The following PDE4B variants were observed in gnomAD, a reference collection of about 807,000 sequenced individuals.
PDE4B encodes phosphodiesterase 4B, also known as 3',5'-cyclic-AMP phosphodiesterase 4B.
Under a neutral mutation model 82.2 loss-of-function variants are expected in PDE4B, and 20 were observed. That is an observed-to-expected ratio of 0.24 (90% CI 0.17 to 0.35). PDE4B has a LOEUF of 0.35. Ranked by LOEUF, PDE4B falls within the 10% of genes least tolerant of loss-of-function variation. The pLI is 1.00. For missense variants in PDE4B, 655 were observed against 907.2 expected, an observed-to-expected ratio of 0.72 and a Z score of 3.57; for synonymous variants, 320 against 318.9, an observed-to-expected ratio of 1.00 and a Z score of -0.04.
intron 6 of PDE4B, 113 bp from the exon 7 acceptor site, chr1:66,265,925 C>T: frequency 1.3e-6 from 1 of 772,906 alleles, no homozygotes; most frequent in South Asian, 1.5e-5. Context: ...TATGTCACTA[C>T]ATAGTTCATT....
At chr1:66,316,220 G>A (rs79683539) in intron 7 of PDE4B, among the ~76,000 whole-genome samples, 1,709 of 152,216 alleles carry the variant, frequency 0.011, 38 homozygotes, top group African/African-American at 0.039. Flanking sequence ...TTTCTGCAAC[G>A]AACTTTGTAG....
intron 3 of PDE4B, chr1:66,048,962 C>G (rs1451851214): frequency 1.3e-5 from 2 of 151,932 alleles, no homozygotes; most frequent in Non-Finnish European, 2.9e-5. Flanking sequence ...TGAATTAGCT[C>G]TCCGTCTTTA....
intron 3 of PDE4B, among the ~76,000 whole-genome samples, chr1:66,178,816 G>A (rs1477945505): frequency 6.6e-6 from 1 of 152,042 alleles, no homozygotes; most frequent in Non-Finnish European, 1.5e-5. Flanking sequence ...GTCTATGAAT[G>A]TCAATCAACT....
chr1:66,120,455 CCTT>C (rs984206768), intron 3 of PDE4B, among the ~76,000 whole-genome samples: 10 of 152,100 alleles, frequency 6.6e-5, no homozygotes, highest in Non-Finnish European at 4.4e-5. Context: ...ATCTCTGACT[CCTT>C]CTTTCCATCA....
At position 66,355,620 on chromosome 1, in the gene PDE4B, G is replaced by C; in HGVS notation, c.841G>C (p.Asp281His). Residue 281 changes from aspartate (D) to histidine (H), a missense_variant and splice_region_variant, in exon 9 of 17, where the codon GAC becomes CAC. By Grantham distance (81) the Asp-to-His change is moderately conservative. Transcript: ENST00000341517. ...TGAATACATTTCAAATACTTTCTTA[G>C]GTAAGATATTAACTGGGAAAAACCT... is the stretch of plus-strand genomic sequence containing the variant. Reference protein sequence around the residue: ...VSEYISNTFLDKQNDVEIPSP... With the variant: ...VSEYISNTFLHKQNDVEIPSP... The C allele has an allele frequency of 1.3e-6, 2 of 1,581,916 alleles. No individual in the cohort carries two copies. The highest frequency in any genetic ancestry group is 1.7e-6 in the Non-Finnish European group (2 of 1,151,788).
intron 7 of PDE4B, among the ~76,000 whole-genome samples, chr1:66,275,090 C>T (rs1655783341): frequency 6.6e-6 from 1 of 152,026 alleles, no homozygotes; most frequent in Non-Finnish European, 1.5e-5. Context: ...AAAGGGACAC[C>T]CCTAAATACA....
At chr1:66,251,654 C>T (rs1233159403) in intron 4 of PDE4B, among the ~76,000 whole-genome samples, 2 of 152,158 alleles carry the variant, frequency 1.3e-5, no homozygotes, top group African/African-American at 4.8e-5. Flanking sequence ...AAGCAGCCTA[C>T]TCTGAGGAGG....
At chr1:65,922,373 T>C (rs1021258013) in intron 3 of PDE4B, among the ~76,000 whole-genome samples, 17 of 152,176 alleles carry the variant, frequency 1.1e-4, no homozygotes, top group African/African-American at 4.1e-4. Flanking sequence ...AAATTATGCA[T>C]TTTCTATTAT....
At chr1:66,160,080 C>A (rs529161774) in intron 3 of PDE4B, among the ~76,000 whole-genome samples, 1 of 152,286 alleles carries the variant, frequency 6.6e-6, no homozygotes, top group East Asian at 1.9e-4. Flanking sequence ...CAAATAGAGT[C>A]CTCACACAGG....
chr1:65,931,929 G>C (rs934935280), intron 3 of PDE4B, among the ~76,000 whole-genome samples: 2 of 152,188 alleles, frequency 1.3e-5, no homozygotes, highest in Non-Finnish European at 2.9e-5. Context: ...CCATCCAGGG[G>C]CTGGTAAGAA....
At chr1:65,970,574 A>C (rs115806599) in intron 3 of PDE4B, among the ~76,000 whole-genome samples, 115 of 152,260 alleles carry the variant, frequency 7.6e-4, no homozygotes, top group Non-Finnish European at 1.3e-3. Flanking sequence ...TGGAGTTCAC[A>C]CTCAACTGGG....
chr1:66,354,094 G>A (rs1662042685), intron 8 of PDE4B, among the ~76,000 whole-genome samples: 1 of 152,160 alleles, frequency 6.6e-6, no homozygotes, highest in African/African-American at 2.4e-5. Flanking sequence ...TGGTGTGTGC[G>A]ACAAATAATC....
chr1:66,234,629 A>G (rs1293181673), intron 3 of PDE4B, among the ~76,000 whole-genome samples: 1 of 151,916 alleles, frequency 6.6e-6, no homozygotes, highest in Non-Finnish European at 1.5e-5. Context: ...TTTTTATAGT[A>G]TCTTTAGAGT....
chr1:66,363,638 G>C, intron 12 of PDE4B, 67 bp downstream of exon 12: 1 of 1,301,844 alleles, frequency 7.7e-7, no homozygotes, highest in Non-Finnish European at 1.1e-6. Flanking sequence ...TCAGCTGGAT[G>C]TAGTAGCATG....
chr1:65,971,955 T>A (rs1016715712), intron 3 of PDE4B, among the ~76,000 whole-genome samples: 2 of 152,204 alleles, frequency 1.3e-5, no homozygotes, highest in Admixed American at 1.3e-4. Context: ...CCAAGTCTTG[T>A]ATCTTATGAA....
intron 3 of PDE4B, among the ~76,000 whole-genome samples, chr1:66,028,041 T>TG (rs1653549044): frequency 2.0e-5 from 3 of 152,204 alleles, no homozygotes; most frequent in African/African-American, 7.2e-5. Context: ...GGACTCTGTG[T>TG]GGGGGCTCCA....
intron 3 of PDE4B, among the ~76,000 whole-genome samples, chr1:65,986,629 C>A (rs1569891462): frequency 6.6e-6 from 1 of 152,268 alleles, no homozygotes; most frequent in Middle Eastern, 3.4e-3. Context: ...GTTATTTATT[C>A]ATTCAATGAA....
intron 3 of PDE4B, among the ~76,000 whole-genome samples, chr1:66,114,274 A>T (rs1209636968): frequency 6.6e-6 from 1 of 152,342 alleles, no homozygotes; most frequent in East Asian, 1.9e-4. Flanking sequence ...TCTACTGTTT[A>T]TGAGCTACTC....
intron 7 of PDE4B, among the ~76,000 whole-genome samples, chr1:66,284,815 G>A (rs2101793242): frequency 6.6e-6 from 1 of 152,260 alleles, no homozygotes; most frequent in South Asian, 2.1e-4. Flanking sequence ...AAAGAAAAAA[G>A]GGCTTTGCAT....
Sources: allele counts gnomAD v4.1 joint callset (sites outside exome capture counted in the v4.1 genomes callset), GRCh38; gene constraint gnomAD v4.1.1; transcripts MANE v1.5; gene names NCBI Gene and HGNC (gene_info 2026-07-23, HGNC 2026-07-21).